Variants in AGL observed in about 807,000 individuals in gnomAD.
AGL encodes the protein glycogen debranching enzyme.
A neutral mutation model predicts 199.3 loss-of-function variants in AGL; 128 were observed. The observed-to-expected ratio is 0.64, with a 90% CI of 0.56 to 0.74. AGL has a LOEUF of 0.74. Ranked by LOEUF, AGL falls within the 30% of genes least tolerant of loss-of-function variation. The probability of loss-of-function intolerance (pLI) is 0.00; values close to 1 mark genes in which losing one functional copy is unlikely to be tolerated. For synonymous variants in AGL, 584 were observed against 594.7 expected, an observed-to-expected ratio of 0.98 and a Z score of 0.26; for missense variants, 1,809 against 1,820.8, an observed-to-expected ratio of 0.99 and a Z score of 0.12.
intron 24 of AGL, among the ~76,000 whole-genome samples, chr1:99,894,347 AAGAC>A (rs996103604): frequency 1.3e-5 from 2 of 152,218 alleles, no homozygotes; most frequent in Non-Finnish European, 2.9e-5. Flanking sequence ...CTTTTTCACA[AAGAC>A]AGACCGCATA....
intron 25 of AGL, 39 bp downstream of exon 25, chr1:99,896,427 T>C: frequency 7.0e-7 from 1 of 1,433,300 alleles, no homozygotes. Context: ...CGAGTTTATG[T>C]CTGAATGTCT....
chr1:99,851,602 A>T (rs1239963854), intron 2 of AGL, among the ~76,000 whole-genome samples: 2 of 152,220 alleles, frequency 1.3e-5, no homozygotes, highest in Non-Finnish European at 2.9e-5. Flanking sequence ...AAAACTTCTC[A>T]AATGTGGAGT....
intron 25 of AGL, among the ~76,000 whole-genome samples, chr1:99,899,530 T>TCTCTC (rs550883261): frequency 1.4e-5 from 2 of 146,856 alleles, no homozygotes; most frequent in Admixed American, 1.4e-4. Flanking sequence ...CTCTCTCTCT[T>TCTCTC]TCTCTCTCTC....
intron 21 of AGL, among the ~76,000 whole-genome samples, chr1:99,889,452 C>T (rs1331358002): frequency 1.3e-5 from 2 of 152,116 alleles, no homozygotes; most frequent in African/African-American, 4.8e-5. Context: ...GTGGCTTCCA[C>T]CTGTAATCTC....
At chr1:99,864,290 T>C in intron 4 of AGL, 96 bp from the exon 5 acceptor site, 3 of 1,153,128 alleles carry the variant, frequency 2.6e-6, no homozygotes, top group Non-Finnish European at 3.8e-6. Context: ...TTGCTATTTA[T>C]AATTACTTAA....
At chr1:99,902,550 G>A (rs951192218) in intron 26 of AGL, 133 bp from the exon 27 acceptor site, 1 of 715,240 alleles carries the variant, frequency 1.4e-6, no homozygotes, top group Admixed American at 2.0e-5. Flanking sequence ...CTTCTTCCCT[G>A]GCCTCACCCC....
chr1:99,858,801 C>G (rs1649788411), intron 2 of AGL, among the ~76,000 whole-genome samples: 1 of 151,658 alleles, frequency 6.6e-6, no homozygotes, highest in South Asian at 2.1e-4. Flanking sequence ...AAGGTTTTTT[C>G]TACCCACTAA....
intron 2 of AGL, among the ~76,000 whole-genome samples, chr1:99,855,162 A>G (rs913608551): frequency 8.6e-5 from 13 of 151,750 alleles, no homozygotes; most frequent in African/African-American, 1.7e-4. Flanking sequence ...GATCGTGCCA[A>G]TGCACTCCAG....
Position 99,877,802 on chromosome 1 carries a change from C to T in AGL, c.1585C>T (p.His529Tyr), listed in dbSNP as rs769850309. ...YFQGVRLDNC[H>Y]STPLHVAEYM... Reference sequence around the variant, plus strand: ...CCAGGGAGTACGTCTTGATAACTGCCACTCAACACCTCTTCACGTAGCTGA... The same window carrying T: ...CCAGGGAGTACGTCTTGATAACTGCTACTCAACACCTCTTCACGTAGCTGA... Residue 529 changes from histidine to tyrosine, a missense_variant, in exon 12 of 34, where the codon CAC becomes TAC. By Grantham distance (83) the His-to-Tyr change is moderately conservative. Coordinates refer to ENST00000361915, the MANE Select transcript of AGL (RefSeq NM_000642.3). The T allele has an allele frequency of 6.2e-7, 1 of 1,613,998 alleles. No homozygotes were observed. The highest frequency in any genetic ancestry group is 2.2e-5 in the East Asian group (1 of 44,840).
At chr1:99,859,527 A>T (rs1255695114) in intron 2 of AGL, among the ~76,000 whole-genome samples, 1 of 143,600 alleles carries the variant, frequency 7.0e-6, no homozygotes, top group Admixed American at 7.3e-5. Flanking sequence ...ACAATGTAAC[A>T]AAATAGAATA....
intron 12 of AGL, 33 bp downstream of exon 12, chr1:99,877,861 A>G: frequency 1.2e-6 from 2 of 1,602,620 alleles, no homozygotes; most frequent in Non-Finnish European, 1.7e-6. Context: ...CATTAAGAAA[A>G]GAAATTCAGT....
At chr1:99,860,239 G>A (rs1649921901) in intron 2 of AGL, among the ~76,000 whole-genome samples, 1 of 151,706 alleles carries the variant, frequency 6.6e-6, no homozygotes, top group African/African-American at 2.4e-5. Context: ...TTTGTTGGAT[G>A]TTTAATAAGT....
At position 99,879,932 on chromosome 1, in the gene AGL, G is replaced by A. The variant is rs1651870220; in HGVS notation, c.1621G>A (p.Asp541Asn). The A allele has an allele frequency of 6.2e-7, 1 of 1,612,550 alleles. No individual in the cohort carries two copies. The highest frequency in any genetic ancestry group is 8.5e-7 in the Non-Finnish European group (1 of 1,179,030). Residue 541 changes from aspartate to asparagine, a missense_variant, in exon 13 of 34, where the codon GAT becomes AAT. Coordinates refer to ENST00000361915, the MANE Select transcript of AGL (RefSeq NM_000642.3). ...TPLHVAEYML[D>N]AARNLQPNLY... ...ACTGTGCTTTTTACAGTACATGTTG[G>A]ATGCTGCTAGGAATTTGCAACCCAA...
intron 5 of AGL, among the ~76,000 whole-genome samples, chr1:99,869,898 C>T (rs1227736382): frequency 2.6e-5 from 4 of 152,110 alleles, no homozygotes; most frequent in African/African-American, 9.7e-5. Context: ...GCAGGCTATC[C>T]AACCTCCACT....
At chr1:99,897,124 T>A (rs1653391753) in intron 25 of AGL, among the ~76,000 whole-genome samples, 1 of 152,134 alleles carries the variant, frequency 6.6e-6, no homozygotes. Flanking sequence ...CGTAAAATGG[T>A]ATTTTTTTTA....
intron 17 of AGL, among the ~76,000 whole-genome samples, chr1:99,883,759 A>C (rs948498069): frequency 2.6e-5 from 4 of 152,186 alleles, no homozygotes; most frequent in African/African-American, 9.6e-5. Context: ...AGTTTAAGTG[A>C]GGAAGTAGAA....
intron 10 of AGL, among the ~76,000 whole-genome samples, chr1:99,876,105 C>T (rs1302305725): frequency 6.6e-6 from 1 of 152,152 alleles, no homozygotes; most frequent in Non-Finnish European, 1.5e-5. Flanking sequence ...AAACTCCTGA[C>T]CTCAGGTAAT....
intron 27 of AGL, among the ~76,000 whole-genome samples, chr1:99,905,606 C>A (rs563007121): frequency 1.3e-5 from 2 of 152,276 alleles, no homozygotes; most frequent in East Asian, 1.9e-4. Context: ...GACAGGGTCC[C>A]ACTCTGTCAC....
intron 26 of AGL, among the ~76,000 whole-genome samples, chr1:99,901,285 C>A (rs1314376415): frequency 6.6e-6 from 1 of 150,608 alleles, no homozygotes; most frequent in South Asian, 2.1e-4. Context: ...ATGGCACACA[C>A]CTGTAATCTC....
Sources: gnomAD v4.1 joint callset for allele counts (sites outside exome capture counted in the v4.1 genomes callset) on GRCh38, gnomAD v4.1.1 for gene constraint, MANE v1.5 for transcripts, NCBI Gene and HGNC (gene_info 2026-07-23, HGNC 2026-07-21) for gene names.